The following SYNE1 variants were observed in gnomAD, a reference collection of about 807,000 sequenced individuals.
The protein encoded by SYNE1 is nesprin-1.
Under a neutral mutation model 1,111.0 loss-of-function variants are expected in SYNE1, and 616 were observed. The ratio of observed to expected loss-of-function variants is 0.55; its 90% CI spans 0.52 to 0.59. SYNE1 has a LOEUF of 0.59. Among genes scored for constraint, SYNE1 ranks in the 20% least tolerant of loss-of-function variants. The pLI, the probability that SYNE1 is intolerant of heterozygous loss-of-function variation, is 0.00. For missense variants in SYNE1, 10,006 were observed against 10,417.0 expected, an observed-to-expected ratio of 0.96 and a Z score of 1.72; for synonymous variants, 3,855 against 3,825.8, an observed-to-expected ratio of 1.01 and a Z score of -0.28.
intron 3 of SYNE1, among the ~76,000 whole-genome samples, chr6:152,621,255 C>A (rs1432891534): frequency 6.6e-6 from 1 of 152,138 alleles, no homozygotes; most frequent in Non-Finnish European, 1.5e-5. Context: ...TATGGAATCC[C>A]AGCCAAAGAA....
intron 91 of SYNE1, among the ~76,000 whole-genome samples, chr6:152,303,030 T>C (rs1487534586): frequency 1.3e-5 from 2 of 151,962 alleles, no homozygotes; most frequent in African/African-American, 4.8e-5. Flanking sequence ...AATTATACTT[T>C]ATTGCATCTT....
intron 63 of SYNE1, among the ~76,000 whole-genome samples, chr6:152,363,241 TC>T (rs2096968097): frequency 7.0e-6 from 1 of 141,898 alleles, no homozygotes; most frequent in Non-Finnish European, 1.5e-5. Context: ...ACGCCTGTAA[TC>T]CCAGCACTTT....
chr6:152,278,268 C>G lies in SYNE1; in HGVS notation c.18394G>C (p.Glu6132Gln). 1 of 1,614,116 alleles carries G rather than the reference C, an allele frequency of 6.2e-7. No homozygotes were observed. Among genetic ancestry groups the G allele is most frequent in the Non-Finnish European group, 8.5e-7 (1 of 1,180,032 alleles). ...AAAGCCACCACCTTCTGCTCTATTTCCACCAGCATATTCTGCAGCAACAGA... is the reference window on the plus strand; with the variant it reads ...AAAGCCACCACCTTCTGCTCTATTTGCACCAGCATATTCTGCAGCAACAGA... Reference protein sequence around the residue: ...QLMDCQNMLVEIEQKVVALSE... With the variant: ...QLMDCQNMLVQIEQKVVALSE... The change falls in exon 98 of 146, where the codon GAA (glutamate) becomes CAA (glutamine). Residue 6132 changes from glutamate (E) to glutamine (Q), a missense_variant. Physicochemically the swap from Glu to Gln is conservative, Grantham distance 29 (BLOSUM62 2). Around this residue, in one of 7 missense-constraint regions of SYNE1, gnomAD observed 99 missense variants for 147.8 expected, o/e 0.67. Coordinates refer to ENST00000367255, the MANE Select transcript of SYNE1 (RefSeq NM_182961.4).
At chr6:152,334,882 A>T (rs1304153785) in intron 76 of SYNE1, among the ~76,000 whole-genome samples, 1 of 152,018 alleles carries the variant, frequency 6.6e-6, no homozygotes, top group Non-Finnish European at 1.5e-5. Flanking sequence ...CTCTGGTTTG[A>T]ACGCCTCTGA....
At chr6:152,287,794 G>T (rs562168771) in intron 95 of SYNE1, among the ~76,000 whole-genome samples, 15 of 152,192 alleles carry the variant, frequency 9.9e-5, no homozygotes, top group African/African-American at 3.6e-4. Flanking sequence ...TGATCTGCCC[G>T]CTTCAGCCTC....
Position 152,436,100 on chromosome 6 carries a change from T to G in SYNE1, c.4151A>C (p.Glu1384Ala), listed in dbSNP as rs1294889783. 1.2e-6 allele frequency: 2 copies of G among 1,613,466 alleles called. No homozygotes were observed. Among genetic ancestry groups the G allele is most frequent in the Non-Finnish European group, 1.7e-6 (2 of 1,179,872 alleles). Residue 1384 changes from glutamate to alanine, a missense_variant and splice_region_variant, in exon 33 of 146, where the codon GAG becomes GCG. Glu to Ala is a moderately radical substitution (Grantham distance 107). Coordinates refer to ENST00000367255, the MANE Select transcript of SYNE1 (RefSeq NM_182961.4). Reference protein sequence around the residue: ...SLSSELEQTKEFSKRTESIAV... With the variant: ...SLSSELEQTKAFSKRTESIAV... ...AATACTTTCTGTCCGTTTAGAAAAC[T>G]CCTAGAAAAAATATTATGATCATTA...
rs1277601372 is a variant in SYNE1, at chr6:152,353,386, T to G, written c.11130A>C (p.Ser3710=). The change falls in exon 69 of 146, where the codon TCA becomes TCC. Residue 3710 remains serine (S), a synonymous_variant. Transcript: ENST00000367255. ...CAGAATAGGAACTGAGGGATGATTCTGATTCCTCCAAACTCTGAATCTCCT... is the reference window on the plus strand; with the variant it reads ...CAGAATAGGAACTGAGGGATGATTCGGATTCCTCCAAACTCTGAATCTCCT... The part of the protein sequence containing the change: ...LEEEIQSLEE[S]ESSLSSYSDW... 6.2e-7 allele frequency: 1 copy of G among 1,614,266 alleles called. No individual in the cohort carries two copies. Among genetic ancestry groups the G allele is most frequent in the East Asian group, 2.2e-5 (1 of 44,888 alleles).
rs1489316467 is a variant in SYNE1 at position 152,239,617 on chromosome 6, C to T, written c.19983G>A (p.Gln6661=). Reference sequence around the variant, plus strand: ...CCTGAGCCATCAGCTCTGTATGGAACTGGGTTTCCTTTTGGACTGCAAAGC... The same window carrying T: ...CCTGAGCCATCAGCTCTGTATGGAATTGGGTTTCCTTTTGGACTGCAAAGC... ...IISFAVQKET[Q]FHTELMAQAS... Residue 6661 remains glutamine (Q), a synonymous_variant, in exon 108 of 146, where the codon CAG becomes CAA. Transcript: ENST00000367255. The T allele has an allele frequency of 1.9e-6, 3 of 1,614,186 alleles. No individual in the cohort carries two copies. Among genetic ancestry groups the T allele is most frequent in the African/African-American group, 1.3e-5 (1 of 75,038 alleles).
chr6:152,624,124 A>G (rs2099681378), intron 3 of SYNE1, among the ~76,000 whole-genome samples: 1 of 152,112 alleles, frequency 6.6e-6, no homozygotes, highest in African/African-American at 2.4e-5. Context: ...TTTCTCTTTC[A>G]ATCTATTCAC....
At chr6:152,581,025 T>C (rs1213041777) in intron 3 of SYNE1, among the ~76,000 whole-genome samples, 1 of 152,212 alleles carries the variant, frequency 6.6e-6, no homozygotes, top group Non-Finnish European at 1.5e-5. Context: ...CCATTCTTCA[T>C]TGATCAGTTA....
At chr6:152,567,710 T>C (rs914639826) in intron 3 of SYNE1, among the ~76,000 whole-genome samples, 5 of 152,206 alleles carry the variant, frequency 3.3e-5, no homozygotes, top group African/African-American at 9.7e-5. Context: ...AAGTAATCTT[T>C]ATTGTCAAAA....
intron 127 of SYNE1, among the ~76,000 whole-genome samples, chr6:152,189,934 TTGTAGCA>T (rs1490975753): frequency 3.3e-5 from 5 of 152,242 alleles, no homozygotes; most frequent in African/African-American, 1.2e-4. Context: ...AAAAGTTTCC[TTGTAGCA>T]TGTGATGCTG....
In SYNE1 at chr6:152,216,255, A is replaced by G. The variant is rs576790410; in HGVS notation, c.22192-1195T>C. Among the ~76,000 whole-genome samples the G allele has an allele frequency of 2.4e-3, 365 of 152,336 alleles. 2 individuals are homozygous for G. Among genetic ancestry groups the G allele is most frequent in the African/African-American group, 8.2e-3 (340 of 41,572 alleles). On this transcript the variant is annotated intron_variant, in intron 121 of 145. Transcript: ENST00000367255. The stretch of plus-strand genomic sequence containing the variant: ...ATCAGCAATGAACAAAATAGCCATG[A>G]CACAGTCCTTCCCCTCGTGGCACTT...
At chr6:152,361,194 A>G (rs1024911697) in intron 64 of SYNE1, among the ~76,000 whole-genome samples, 2 of 152,192 alleles carry the variant, frequency 1.3e-5, no homozygotes, top group Non-Finnish European at 2.9e-5. Context: ...CATGTTCAGG[A>G]GATAGTGTGA....
intron 74 of SYNE1, among the ~76,000 whole-genome samples, chr6:152,341,766 G>A (rs1034730029): frequency 6.6e-5 from 10 of 152,140 alleles, no homozygotes; most frequent in Admixed American, 4.6e-4. Context: ...CTTGGAAACC[G>A]TGACTTCTTT....
At chr6:152,590,592 A>T (rs1007360171) in intron 3 of SYNE1, among the ~76,000 whole-genome samples, 2 of 152,180 alleles carry the variant, frequency 1.3e-5, no homozygotes, top group African/African-American at 4.8e-5. Flanking sequence ...AGTGCAAAAT[A>T]ATAGTCTTAT....
intron 133 of SYNE1, among the ~76,000 whole-genome samples, chr6:152,152,959 A>G (rs976276939): frequency 1.4e-4 from 21 of 152,234 alleles, no homozygotes; most frequent in African/African-American, 4.8e-4. Flanking sequence ...GCCCTATAGC[A>G]TAAGAGTCAT....
intron 34 of SYNE1, 115 bp downstream of exon 34, chr6:152,433,680 T>C: frequency 8.2e-7 from 1 of 1,220,374 alleles, no homozygotes; most frequent in Non-Finnish European, 1.2e-6. Context: ...TTAATTTTAA[T>C]AGTCACATTG....
At chr6:152,637,127 G>C (rs1047815675) in intron 1 of SYNE1, 62 bp downstream of exon 1, 8 of 152,720 alleles carry the variant, frequency 5.2e-5, no homozygotes, top group African/African-American at 1.7e-4. Flanking sequence ...GCCCGGCTCC[G>C]GGATGCGCCG....
Sources: gnomAD v4.1 joint callset for allele counts (sites outside exome capture counted in the v4.1 genomes callset) on GRCh38, gnomAD v4.1.1 for gene constraint, gnomAD v4.1.1 regional missense constraint, MANE v1.5 for transcripts, NCBI Gene and HGNC (gene_info 2026-07-23, HGNC 2026-07-21) for gene names.